ZNF385D: variants seen among roughly 807,000 people sequenced by gnomAD.
The protein encoded by ZNF385D is zinc finger protein 659.
In ZNF385D, 15 loss-of-function variants were observed where a neutral mutation model predicts 35.8. The ratio of observed to expected loss-of-function variants is 0.42; its 90% CI spans 0.28 to 0.64. The LOEUF is 0.64. ZNF385D is among the 30% of genes least tolerant of loss of function. The pLI is 0.23. For missense variants in ZNF385D, 474 were observed against 494.6 expected (o/e 0.96, Z 0.39); for synonymous variants, 212 against 186.8 (o/e 1.13, Z -1.10).
intron 3 of ZNF385D, among the ~76,000 whole-genome samples, chr3:22,153,178 T>A (rs1705360532): frequency 1.3e-5 from 2 of 152,156 alleles, no homozygotes; most frequent in Non-Finnish European, 2.9e-5. Context: ...TCAGTTTTCT[T>A]GCTTTGGGAA....
intron 2 of ZNF385D, among the ~76,000 whole-genome samples, chr3:22,238,571 CTT>C (rs1478263784): frequency 1.3e-5 from 2 of 150,440 alleles, no homozygotes; most frequent in Non-Finnish European, 2.9e-5. Context: ...ATAAATGGAA[CTT>C]TATTTTCAAA....
chr3:21,950,386 AC>A (rs970668266), intron 3 of ZNF385D, among the ~76,000 whole-genome samples: 4 of 151,714 alleles, frequency 2.6e-5, no homozygotes, highest in Non-Finnish European at 5.9e-5. Context: ...TCCGTTGCCC[AC>A]TTTTTGATGG....
chr3:22,131,112 T>A (rs937481872), intron 3 of ZNF385D, among the ~76,000 whole-genome samples: 1 of 152,002 alleles, frequency 6.6e-6, no homozygotes, highest in Non-Finnish European at 1.5e-5. Context: ...TTGGATAAAA[T>A]GTATAAGATA....
chr3:21,909,954 C>T (rs1046260649), intron 3 of ZNF385D, among the ~76,000 whole-genome samples: 9 of 151,992 alleles, frequency 5.9e-5, no homozygotes, highest in African/African-American at 1.7e-4. Context: ...GTAACATTGA[C>T]AATTCACAAA....
At chr3:21,515,387 C>T (rs893410889) in intron 3 of ZNF385D, among the ~76,000 whole-genome samples, 1 of 152,098 alleles carries the variant, frequency 6.6e-6, no homozygotes, top group Non-Finnish European at 1.5e-5. Context: ...CATATATATC[C>T]AATAACCATA....
upstream of ZNF385D, among the ~76,000 whole-genome samples, chr3:21,753,789 T>TTGTTG (rs1553653025): frequency 7.7e-4 from 96 of 124,728 alleles, no homozygotes; most frequent in South Asian, 3.1e-3. Flanking sequence ...GTTGTTGTTG[T>TTGTTG]TGTGTGTGTG....
chr3:21,914,198 A>G (rs749847670), intron 3 of ZNF385D, among the ~76,000 whole-genome samples: 1 of 152,100 alleles, frequency 6.6e-6, no homozygotes, highest in Non-Finnish European at 1.5e-5. Context: ...AAACTAGCAG[A>G]CTAATTCAAG....
chr3:22,126,365 C>G (rs1308541086), intron 3 of ZNF385D, among the ~76,000 whole-genome samples: 1 of 135,974 alleles, frequency 7.4e-6, no homozygotes, highest in East Asian at 2.3e-4. Context: ...TGCTATTAAC[C>G]TTCCTCTTAC....
At chr3:21,738,066 C>T (rs74594387) in intron 1 of ZNF385D, among the ~76,000 whole-genome samples, 1,987 of 152,348 alleles carry the variant, frequency 0.013, 21 homozygotes, top group Non-Finnish European at 0.015. Context: ...TGAAAGGGAC[C>T]TGGAGTCTTT....
rs113156794 is a variant in ZNF385D, at chr3:22,036,908, C to G, written c.325+131909G>C. Reference sequence around the variant, plus strand: ...CCCCAGTGTGTGATGTTCCCCTTCCCGTGTCCATGTGTTCTCATTGTTCAA... The same window carrying G: ...CCCCAGTGTGTGATGTTCCCCTTCCGGTGTCCATGTGTTCTCATTGTTCAA... On this transcript the variant is annotated intron_variant, in intron 3 of 5. Transcript: ENST00000494108. Among the ~76,000 whole-genome samples the G allele has an allele frequency of 3.7e-4, 53 of 141,870 alleles. 1 individual carries two copies. The East Asian group carries it at 0.012, about 31-fold the overall frequency. 93.1% of individuals were successfully genotyped at this position (141,870 alleles called of 152,430 possible).
intron 1 of ZNF385D, among the ~76,000 whole-genome samples, chr3:21,671,426 T>A (rs2066573109): frequency 6.6e-6 from 1 of 152,168 alleles, no homozygotes; most frequent in Non-Finnish European, 1.5e-5. Context: ...CTAGAGAATA[T>A]AGATAATTTA....
chr3:22,236,635 A>G (rs1699199828), intron 2 of ZNF385D, among the ~76,000 whole-genome samples: 1 of 152,328 alleles, frequency 6.6e-6, no homozygotes, highest in Non-Finnish European at 1.5e-5. Flanking sequence ...AAGGTTGTAC[A>G]ATCATCACCA....
At chr3:21,578,410 T>G (rs1575233738) in intron 2 of ZNF385D, among the ~76,000 whole-genome samples, 1 of 152,206 alleles carries the variant, frequency 6.6e-6, no homozygotes, top group Non-Finnish European at 1.5e-5. Flanking sequence ...CCCAGACCAA[T>G]GTACTAAAGT....
chr3:21,585,904 C>T (rs775828512), intron 2 of ZNF385D, among the ~76,000 whole-genome samples: 2 of 152,138 alleles, frequency 1.3e-5, no homozygotes, highest in Non-Finnish European at 2.9e-5. Context: ...CGCAGTAGCT[C>T]ATGTCTGTAG....
At chr3:22,362,884 T>G (rs1696479107) in intron 2 of ZNF385D, among the ~76,000 whole-genome samples, 1 of 152,058 alleles carries the variant, frequency 6.6e-6, no homozygotes, top group Admixed American at 6.6e-5. Flanking sequence ...TTCACAAATG[T>G]TTGGGGGCCC....
At position 22,360,599 on chromosome 3, in the gene ZNF385D, T is replaced by C. The variant is rs1323133783; in HGVS notation, c.106+11851A>G. ...CCAGCTTCCAAGATTCATGGCTGTT[T>C]ATTTCAGTAACAAAGTAATGACATG... On this transcript the variant is annotated intron_variant, in intron 2 of 5. Transcript: ENST00000494108. Among the ~76,000 whole-genome samples the C allele has an allele frequency of 2.0e-5, 3 of 152,030 alleles. No homozygotes were observed. The East Asian group carries it at 5.8e-4, about 29-fold the overall frequency.
intron 2 of ZNF385D, among the ~76,000 whole-genome samples, chr3:22,323,840 G>T (rs978256607): frequency 1.2e-4 from 18 of 152,082 alleles, no homozygotes; most frequent in Non-Finnish European, 1.2e-4. Context: ...CATTCATGAG[G>T]CCCAGAAAAG....
chr3:21,554,928 G>C, intron 3 of ZNF385D, among the ~76,000 whole-genome samples: 1 of 152,222 alleles, frequency 6.6e-6, no homozygotes, highest in Non-Finnish European at 1.5e-5. Context: ...TGGTATGGCT[G>C]GTTTGATTTT....
rs1241473748 is a variant in ZNF385D, at chr3:21,539,602, AT to A, written c.276+24971del. Among the ~76,000 whole-genome samples the A allele has an allele frequency of 5.9e-5, 9 of 152,164 alleles. No individual in the cohort carries two copies. Among genetic ancestry groups the A allele is most frequent in the Non-Finnish European group, 1.0e-4 (7 of 68,004 alleles). On this transcript the variant is annotated intron_variant, in intron 3 of 7. Transcript: ENST00000281523. This position sits in a 1 kb window ranked among gnomAD's most constrained non-coding sequence, Gnocchi z 4.0. ...ATGATTCTCTAAATTATTGTTTCAGATTTTATAAAGTGATAAAAATACAACA... is the reference window on the plus strand; with the variant it reads ...ATGATTCTCTAAATTATTGTTTCAGATTTATAAAGTGATAAAAATACAACA...
Sources: allele counts gnomAD v4.1 joint callset (sites outside exome capture counted in the v4.1 genomes callset), GRCh38; gene constraint gnomAD v4.1.1; non-coding constraint Gnocchi (gnomAD v3.1); transcripts MANE v1.5; gene names NCBI Gene and HGNC (gene_info 2026-07-23, HGNC 2026-07-21).